TUB: variants seen among roughly 807,000 people sequenced by gnomAD.
The protein encoded by TUB is tubby protein homolog.
TUB carries 33 observed loss-of-function variants against 59.7 expected under a neutral mutation model. The ratio of observed to expected loss-of-function variants is 0.55; its 90% CI spans 0.42 to 0.74. The LOEUF (loss-of-function observed/expected upper bound fraction) is 0.74. Ranked by LOEUF, TUB falls within the 30% of genes least tolerant of loss-of-function variation. The pLI is 0.00. For synonymous variants in TUB, 293 were observed against 256.4 expected, an observed-to-expected ratio of 1.14 and a Z score of -1.36; for missense variants, 659 against 672.0, an observed-to-expected ratio of 0.98 and a Z score of 0.21.
At chr11:8,085,876 G>A (rs1943655573) in intron 1 of TUB, among the ~76,000 whole-genome samples, 1 of 152,204 alleles carries the variant, frequency 6.6e-6, no homozygotes, top group African/African-American at 2.4e-5. Flanking sequence ...CTTGCCCCTT[G>A]TTGTCAATCG....
rs1260362768 is a variant in TUB, at chr11:8,094,200, A to C, written c.397+11A>C. ...AGGGAAAGCACAAAGGTCAGCTCAC[A>C]TTCTCTACAGCCCTCCCCAGCAGGC... On this transcript the variant is annotated intron_variant, in intron 4 of 11. Coordinates refer to ENST00000299506, the MANE Select transcript of TUB (RefSeq NM_177972.3). 3 of 1,607,132 alleles carry C rather than the reference A, an allele frequency of 1.9e-6. No homozygotes were observed. Among genetic ancestry groups the C allele is most frequent in the Non-Finnish European group, 2.6e-6 (3 of 1,176,310 alleles).
intron 3 of TUB, among the ~76,000 whole-genome samples, chr11:8,093,025 C>T (rs1943831926): frequency 6.6e-6 from 1 of 152,080 alleles, no homozygotes; most frequent in Non-Finnish European, 1.5e-5. Context: ...CTGTAGGTCC[C>T]AAGTGAGCAC....
chr11:8,039,945 C>G (rs1181154106), intron 2 of TUB, among the ~76,000 whole-genome samples: 1 of 152,176 alleles, frequency 6.6e-6, no homozygotes. Context: ...TTGACTCTAA[C>G]CGGGTGATGC....
At chr11:8,089,541 G>T in intron 1 of TUB, 69 bp from the exon 2 acceptor site, 1 of 1,584,474 alleles carries the variant, frequency 6.3e-7, no homozygotes, top group Non-Finnish European at 8.6e-7. Context: ...ATATGCTGGG[G>T]GTGGGCTCTG....
At chr11:8,037,705 A>C (rs147348547), upstream of TUB, among the ~76,000 whole-genome samples, 8 of 152,244 alleles carry the variant, frequency 5.3e-5, no homozygotes, top group African/African-American at 1.9e-4. Context: ...TGTCATTAGG[A>C]GTTAAAGCCA....
chr11:8,028,792 TG>T (rs11309756), intron 1 of TUB, among the ~76,000 whole-genome samples: 152,350 of 152,350 alleles, frequency 1, 76,175 homozygotes, highest in Non-Finnish European at 1. Flanking sequence ...GAGGATTGCT[TG>T]GAGTCTAGGA....
In TUB at chr11:8,100,828, G is replaced by A. The variant is rs778848940; in HGVS notation, c.1218G>A (p.Glu406=). The part of the protein sequence containing the change: ...HERVSIRPRN[E]HETLLARWQN... ...CTCAGGTGAGGCTGCCCTCCCAGGA[G>A]CATGAGACACTGCTAGCACGCTGGC... is the stretch of plus-strand genomic sequence containing the variant. The change falls in exon 11 of 12, where the codon GAG becomes GAA. Residue 406 remains glutamate (E), a splice_region_variant and synonymous_variant. Coordinates refer to ENST00000299506, the MANE Select transcript of TUB (RefSeq NM_177972.3). The A allele has an allele frequency of 2.2e-5, 36 of 1,613,794 alleles. No individual in the cohort carries two copies. The South Asian group carries it at 3.6e-4, about 16-fold the overall frequency.
intron 9 of TUB, 41 bp from the exon 10 acceptor site, chr11:8,100,462 A>G: frequency 1.3e-6 from 2 of 1,537,914 alleles, no homozygotes; most frequent in Non-Finnish European, 1.8e-6. Flanking sequence ...CAGTAGGTAA[A>G]TAGACGCCTC....
At chr11:8,034,306 T>C (rs1057098221), upstream of TUB, among the ~76,000 whole-genome samples, 2 of 152,096 alleles carry the variant, frequency 1.3e-5, no homozygotes, top group Admixed American at 1.3e-4. Flanking sequence ...GGGTCTGAGG[T>C]CTGGACTCTG....
chr11:8,066,016 T>TA (rs1943234021), intron 2 of TUB, among the ~76,000 whole-genome samples: 3 of 152,128 alleles, frequency 2.0e-5, no homozygotes, highest in Non-Finnish European at 2.9e-5. Context: ...CTGGGATTGG[T>TA]CAGACATGAA....
chr11:8,086,437 C>A (rs1487900956), intron 1 of TUB, among the ~76,000 whole-genome samples: 2 of 152,124 alleles, frequency 1.3e-5, no homozygotes, highest in Non-Finnish European at 2.9e-5. Context: ...TGGTGCTGCT[C>A]TTCCTGGAGA....
Position 8,081,242 on chromosome 11 carries a change from C to T in TUB, c.-269C>T, listed in dbSNP as rs1589955360. Reference sequence around the variant, plus strand: ...GCCTTGGCGCCAGAGGGGCGCGGGACGGTGCGGTCGGCCTCCCCGCCTCCA... The same window carrying T: ...GCCTTGGCGCCAGAGGGGCGCGGGATGGTGCGGTCGGCCTCCCCGCCTCCA... On this transcript the variant is annotated 5_prime_UTR_variant, in exon 1 of 12. In the 5' UTR this introduces an upstream ATG that the reference lacks. Transcript: ENST00000299506. The T allele has an allele frequency of 2.8e-6, 1 of 356,278 alleles. No homozygotes were observed. The highest frequency in any genetic ancestry group is 3.9e-6 in the Non-Finnish European group (1 of 255,146). 22.1% of individuals were successfully genotyped at this position (356,278 alleles called of 1,614,324 possible). A position where few individuals can be genotyped will look rare whatever the true frequency, so the allele number is the denominator to read the frequency against.
In TUB at chr11:8,097,250, C is replaced by T; in HGVS notation, c.710C>T (p.Pro237Leu). Residue 237 changes from proline to leucine, a missense_variant, in exon 7 of 12, where the codon CCA (proline) becomes CTA (leucine). Physicochemically the swap from Pro to Leu is moderately conservative, Grantham distance 98. Coordinates refer to ENST00000299506, the MANE Select transcript of TUB (RefSeq NM_177972.3). ...TAGGAGGCAGCCTCAGCCCCTAGCC[C>T]AACAGCTCCAGAGCAACCAGTGGAC... The part of the protein sequence containing the change: ...SVREAASAPS[P>L]TAPEQPVDVE... 6.2e-7 allele frequency: 1 copy of T among 1,614,130 alleles called. No homozygotes were observed. Among genetic ancestry groups the T allele is most frequent in the Non-Finnish European group, 8.5e-7 (1 of 1,180,016 alleles).
chr11:8,079,764 G>A (rs1003625973), upstream of TUB, among the ~76,000 whole-genome samples: 1 of 150,632 alleles, frequency 6.6e-6, no homozygotes, highest in African/African-American at 2.4e-5. Context: ...GGAGGCTGAG[G>A]GTAAGTGCTG....
intron 2 of TUB, among the ~76,000 whole-genome samples, chr11:8,054,464 G>C (rs1322156911): frequency 6.6e-6 from 1 of 152,126 alleles, no homozygotes; most frequent in African/African-American, 2.4e-5. Context: ...GAGAGAGAGA[G>C]AGACAGAGAG....
At chr11:8,049,580 T>TATATATATAGAG (rs1417695566) in intron 2 of TUB, among the ~76,000 whole-genome samples, 3 of 69,204 alleles carry the variant, frequency 4.3e-5, no homozygotes, top group African/African-American at 1.3e-4. Context: ...TATATATATA[T>TATATATATAGAG]AGATAGATAG....
upstream of TUB, chr11:8,036,177 C>T (rs1398667002): frequency 6.6e-6 from 1 of 152,166 alleles, no homozygotes; most frequent in Non-Finnish European, 1.5e-5. Context: ...CAGCTGGTCA[C>T]AGTGTCCAGA....
In TUB at chr11:8,089,676, G is replaced by T; in HGVS notation, c.90+15G>T. ...TTGATCGGCAGGTGAGTAGGCCTGG[G>T]GCCGGGTAGAAGGGAAGAGTCTGGG... On this transcript the variant is annotated intron_variant, in intron 2 of 11. Coordinates refer to ENST00000299506, the MANE Select transcript of TUB (RefSeq NM_177972.3). 1 of 1,614,178 alleles carries T rather than the reference G, an allele frequency of 6.2e-7. No individual in the cohort carries two copies. The highest frequency in any genetic ancestry group is 1.1e-5 in the South Asian group (1 of 91,076).
chr11:8,062,514 TGC>T (rs1183848241), intron 2 of TUB, among the ~76,000 whole-genome samples: 101 of 13,120 alleles, frequency 7.7e-3, no homozygotes, highest in African/African-American at 0.018. Flanking sequence ...AAGGTTTGTG[TGC>T]GTGTGTGTGT....
Sources: allele counts gnomAD v4.1 joint callset (sites outside exome capture counted in the v4.1 genomes callset), GRCh38; gene constraint gnomAD v4.1.1; transcripts MANE v1.5; gene names NCBI Gene and HGNC (gene_info 2026-07-23, HGNC 2026-07-21).